The following UHMK1 variants were observed in gnomAD, a reference collection of about 807,000 sequenced individuals.
The protein encoded by UHMK1 is serine/threonine-protein kinase Kist.
A neutral mutation model predicts 44.0 loss-of-function variants in UHMK1; 18 were observed. The ratio of observed to expected loss-of-function variants is 0.41; its 90% CI spans 0.28 to 0.61. UHMK1 has a LOEUF of 0.61. Among genes scored for constraint, UHMK1 ranks in the 20% least tolerant of loss-of-function variants. The pLI, the probability that UHMK1 is intolerant of heterozygous loss-of-function variation, is 0.31. For synonymous variants in UHMK1, 231 were observed against 198.5 expected (o/e 1.16, Z -1.38); for missense variants, 463 against 522.5 (o/e 0.89, Z 1.11).
intron 1 of UHMK1, among the ~76,000 whole-genome samples, chr1:162,498,845 G>C (rs1487586637): frequency 1.3e-5 from 2 of 152,206 alleles, no homozygotes; most frequent in Non-Finnish European, 2.9e-5. Flanking sequence ...ACTGATGATT[G>C]ATCTGTGAAA....
intron 7 of UHMK1, among the ~76,000 whole-genome samples, chr1:162,518,687 C>A (rs1316249277): frequency 2.8e-5 from 4 of 143,574 alleles, no homozygotes; most frequent in Admixed American, 6.9e-5. Context: ...GACTTCATCT[C>A]AAAAAAAAAA....
In UHMK1 at chr1:162,501,025, T is replaced by C; in HGVS notation, c.674T>C (p.Leu225Pro). 1 of 1,614,164 alleles carries C rather than the reference T, an allele frequency of 6.2e-7. No homozygotes were observed. Among genetic ancestry groups the C allele is most frequent in the Non-Finnish European group, 8.5e-7 (1 of 1,180,036 alleles). The change falls in exon 3 of 8, where the codon CTG (leucine) becomes CCG (proline). Residue 225 changes from leucine (L) to proline (P), a missense_variant. Around this residue, in one of 3 missense-constraint regions of UHMK1, gnomAD observed 264 missense variants for 326.3 expected, o/e 0.81. Coordinates refer to ENST00000489294, the MANE Select transcript of UHMK1 (RefSeq NM_175866.5). ...ACAGAATGTACCTCAGCTGTTGATC[T>C]GTGGAGCCTAGGAATCATTTTACTG... ...SDTECTSAVD[L>P]WSLGIILLEM...
intron 4 of UHMK1, among the ~76,000 whole-genome samples, chr1:162,511,867 C>T (rs1471640184): frequency 6.6e-6 from 1 of 151,948 alleles, no homozygotes; most frequent in Non-Finnish European, 1.5e-5. Context: ...ATTGTGTTTT[C>T]TTGGCACCTT....
At chr1:162,511,057 C>G (rs1439948107) in intron 4 of UHMK1, among the ~76,000 whole-genome samples, 2 of 151,920 alleles carry the variant, frequency 1.3e-5, no homozygotes, top group Non-Finnish European at 2.9e-5. Context: ...TTGAGCATTT[C>G]TCATATACTG....
chr1:162,503,988 T>A, intron 4 of UHMK1, 140 bp downstream of exon 4: 1 of 672,404 alleles, frequency 1.5e-6, no homozygotes, highest in Non-Finnish European at 2.4e-6. Context: ...AAATTTGTTT[T>A]CAAAGGAATG....
At position 162,527,322 on chromosome 1, in the gene UHMK1, A is replaced by C. The variant is rs1652285914; in HGVS notation, c.*4772A>C. ...TACTTGACAAGTGCCATGGATATTTAAGAAGAAGGTAAATAATTTTAATAT... is the reference window on the plus strand; with the variant it reads ...TACTTGACAAGTGCCATGGATATTTCAGAAGAAGGTAAATAATTTTAATAT... On this transcript the variant is annotated 3_prime_UTR_variant, in exon 8 of 8. Transcript: ENST00000489294. 3 of 152,046 alleles carry C rather than the reference A, an allele frequency of 2.0e-5. No homozygotes were observed. The highest frequency in any genetic ancestry group is 1.3e-4 in the Admixed American group (2 of 15,270). The allele number at this position is 152,046 out of a possible 1,614,324, so 9.4% of individuals were successfully genotyped here.
chr1:162,507,595 T>TG (rs1651520830), intron 4 of UHMK1, among the ~76,000 whole-genome samples: 2 of 149,720 alleles, frequency 1.3e-5, no homozygotes, highest in African/African-American at 4.9e-5. Context: ...TTTTTTTTCT[T>TG]TTTTTTTGTG....
chr1:162,520,045 C>T (rs1469243321), intron 7 of UHMK1, among the ~76,000 whole-genome samples: 1 of 152,182 alleles, frequency 6.6e-6, no homozygotes, highest in Non-Finnish European at 1.5e-5. Context: ...ACTACAAGCA[C>T]ATGTGCCACC....
rs188402489 is a variant in UHMK1, at chr1:162,513,112, T to G, written c.1024+289T>G. 7.4e-5 allele frequency: 25 copies of G among 335,680 alleles called. No homozygotes were observed. In the East Asian group the frequency reaches 1.4e-3, roughly 19 times the overall value. The allele number at this position is 335,680 out of a possible 1,614,324, so 20.8% of individuals were successfully genotyped here. ...ATGTGCCACCAGACCTGGCTAATTT[T>G]GTATTTTTAGTAGGGACGGGGTTTC... On this transcript the variant is annotated intron_variant, in intron 6 of 7. Coordinates refer to ENST00000489294, the MANE Select transcript of UHMK1 (RefSeq NM_175866.5).
intron 4 of UHMK1, among the ~76,000 whole-genome samples, chr1:162,508,805 C>G (rs1014949706): frequency 1.3e-5 from 2 of 149,454 alleles, no homozygotes; most frequent in Admixed American, 1.3e-4. Flanking sequence ...ACTTTTCTTT[C>G]TCTTCTTTTC....
At chr1:162,519,177 A>G (rs1250478564) in intron 7 of UHMK1, among the ~76,000 whole-genome samples, 1 of 151,642 alleles carries the variant, frequency 6.6e-6, no homozygotes, top group Non-Finnish European at 1.5e-5. Context: ...AATTAGCCAG[A>G]TGTGGTGGCA....
At chr1:162,500,629 T>G in intron 2 of UHMK1, 1 of 423,910 alleles carries the variant, frequency 2.4e-6, no homozygotes, top group East Asian at 4.0e-5. Flanking sequence ...CTTTTCTCCA[T>G]GGTTTATCAT....
intron 7 of UHMK1, among the ~76,000 whole-genome samples, chr1:162,521,442 A>C (rs357038): frequency 6.6e-6 from 1 of 151,952 alleles, no homozygotes; most frequent in Non-Finnish European, 1.5e-5. Flanking sequence ...GAATAGATTC[A>C]TTATTCCTTT....
At chr1:162,501,166 T>A (rs1277747380) in intron 3 of UHMK1, 62 bp downstream of exon 3, 1 of 1,491,250 alleles carries the variant, frequency 6.7e-7, no homozygotes, top group African/African-American at 1.5e-5. Context: ...ATTCAATTTA[T>A]GATGATTTTT....
upstream of UHMK1, chr1:162,497,765 AG>A: frequency 9.2e-7 from 1 of 1,085,822 alleles, no homozygotes; most frequent in Non-Finnish European, 1.2e-6. Context: ...GCCCCTTCTG[AG>A]CCCCCCCTCC....
chr1:162,500,981 G>T lies in UHMK1; in HGVS notation c.630G>T (p.Gln210His), dbSNP rs540807509. The T allele has an allele frequency of 1.2e-6, 2 of 1,614,120 alleles. No homozygotes were observed. The highest frequency in any genetic ancestry group is 2.2e-5 in the South Asian group (2 of 91,080). ...PEAELQNCLA[Q>H]AGLQSDTECT... ...CAGAATTGCAAAATTGCTTGGCCCA[G>T]GCTGGCCTGCAGAGTGATACAGAAT... The change falls in exon 3 of 8, where the codon CAG becomes CAT. Residue 210 changes from glutamine to histidine, a missense_variant. Gln to His is a conservative substitution (Grantham distance 24). Coordinates refer to ENST00000489294, the MANE Select transcript of UHMK1 (RefSeq NM_175866.5).
intron 3 of UHMK1, 114 bp from the exon 4 acceptor site, chr1:162,503,640 G>A: frequency 1.7e-6 from 1 of 594,864 alleles, no homozygotes; most frequent in South Asian, 2.7e-5. Flanking sequence ...AAGATTGTAG[G>A]CTCTCAGAAG....
chr1:162,499,063 G>C (rs930073936), intron 1 of UHMK1, among the ~76,000 whole-genome samples: 1 of 152,068 alleles, frequency 6.6e-6, no homozygotes, highest in Admixed American at 6.6e-5. Flanking sequence ...GTATTGAAAA[G>C]GGAAAAATTT....
chr1:162,502,980 A>G (rs1403200598), intron 3 of UHMK1, among the ~76,000 whole-genome samples: 1 of 152,212 alleles, frequency 6.6e-6, no homozygotes, highest in Non-Finnish European at 1.5e-5. Flanking sequence ...CACAGTTCTA[A>G]ATTGTGAGTT....
Sources: allele counts gnomAD v4.1 joint callset (sites outside exome capture counted in the v4.1 genomes callset), GRCh38; gene constraint gnomAD v4.1.1; regional missense constraint gnomAD v4.1.1; transcripts MANE v1.5; gene names NCBI Gene and HGNC (gene_info 2026-07-23, HGNC 2026-07-21).